The following SMCHD1 variants were observed in gnomAD, a reference collection of about 807,000 sequenced individuals.
The protein encoded by SMCHD1 is structural maintenance of chromosomes flexible hinge domain containing 1, also known as structural maintenance of chromosomes flexible hinge domain-containing protein 1.
In SMCHD1, 78 loss-of-function variants were observed where a neutral mutation model predicts 254.7. The ratio of observed to expected loss-of-function variants is 0.31; its 90% CI spans 0.26 to 0.37. The LOEUF is 0.37. SMCHD1 is among the 10% of genes least tolerant of loss of function. The pLI, the probability that SMCHD1 is intolerant of heterozygous loss-of-function variation, is 1.00. For missense variants in SMCHD1, 1,840 were observed against 2,408.1 expected (o/e 0.76, Z 4.94); for synonymous variants, 766 against 794.9 (o/e 0.96, Z 0.61).
intron 37 of SMCHD1, 75 bp from the exon 38 acceptor site, chr18:2,769,619 A>T: frequency 2.8e-6 from 4 of 1,452,874 alleles, no homozygotes; most frequent in Non-Finnish European, 3.7e-6. Flanking sequence ...CAGCATAATG[A>T]GTTATGTAAC....
At chr18:2,752,463 C>T in intron 33 of SMCHD1, 25 bp from the exon 34 acceptor site, 1 of 1,545,066 alleles carries the variant, frequency 6.5e-7, no homozygotes, top group Middle Eastern at 1.7e-4. Context: ...TCCCCTCTCC[C>T]CTTCTCTCCT....
chr18:2,658,853 T>TATATAC (rs1179301683), intron 1 of SMCHD1, among the ~76,000 whole-genome samples: 2 of 150,746 alleles, frequency 1.3e-5, no homozygotes, highest in African/African-American at 4.9e-5. Context: ...TGTATATGTA[T>TATATAC]ATATACATAT....
intron 37 of SMCHD1, among the ~76,000 whole-genome samples, chr18:2,766,064 C>T (rs1337406036): frequency 6.7e-6 from 1 of 149,874 alleles, no homozygotes; most frequent in South Asian, 2.1e-4. Context: ...CGCGATTGCC[C>T]CTCACTGCAA....
At chr18:2,763,493 A>T in intron 36 of SMCHD1, 144 bp from the exon 37 acceptor site, 1 of 625,406 alleles carries the variant, frequency 1.6e-6, no homozygotes, top group Non-Finnish European at 2.5e-6. Context: ...TCAAACTTAG[A>T]ACTGAATTTT....
rs945481250 is a variant in SMCHD1 at position 2,655,789 on chromosome 18, G to T, written c.-287G>T. The T allele has an allele frequency of 3.6e-6, 1 of 279,244 alleles. No individual in the cohort carries two copies. The highest frequency in any genetic ancestry group is 2.2e-5 in the African/African-American group (1 of 45,148). 17.3% of individuals were successfully genotyped at this position (279,244 alleles called of 1,614,324 possible). ...GAGGCTCGCGTGGGCGGCGATAGGCGCTGGGCCCGGGCCCGGTGAGGAGCG... is the reference window on the plus strand; with the variant it reads ...GAGGCTCGCGTGGGCGGCGATAGGCTCTGGGCCCGGGCCCGGTGAGGAGCG... On this transcript the variant is annotated 5_prime_UTR_variant, in exon 1 of 48. Transcript: ENST00000320876.
chr18:2,778,294 G>C, intron 44 of SMCHD1, 55 bp downstream of exon 44: 1 of 1,250,736 alleles, frequency 8.0e-7, no homozygotes, highest in Non-Finnish European at 1.1e-6. Context: ...TGTGTATCAT[G>C]TCCATTTGAT....
At chr18:2,762,299 G>T (rs1677461809) in intron 36 of SMCHD1, 63 bp downstream of exon 36, 4 of 1,532,928 alleles carry the variant, frequency 2.6e-6, no homozygotes, top group African/African-American at 1.4e-5. Context: ...TGATTTTAGG[G>T]TACAAAATTA....
intron 34 of SMCHD1, among the ~76,000 whole-genome samples, chr18:2,756,887 C>G (rs1220518009): frequency 6.6e-6 from 1 of 152,136 alleles, no homozygotes; most frequent in African/African-American, 2.4e-5. Flanking sequence ...TCTGTGATCT[C>G]TCATTCTTGA....
intron 5 of SMCHD1, among the ~76,000 whole-genome samples, chr18:2,674,358 T>G (rs2073691783): frequency 6.6e-6 from 1 of 152,212 alleles, no homozygotes; most frequent in Non-Finnish European, 1.5e-5. Context: ...CATTTTGCAT[T>G]TCCTGAGGTA....
chr18:2,726,540 G>A lies in SMCHD1; in HGVS notation c.2773+16G>A, dbSNP rs775311111. 8.7e-7 allele frequency: 1 copy of A among 1,154,376 alleles called. No individual in the cohort carries two copies. The highest frequency in any genetic ancestry group is 1.2e-6 in the Non-Finnish European group (1 of 823,910). The allele number at this position is 1,154,376 out of a possible 1,614,324, so 71.5% of individuals were successfully genotyped here. On this transcript the variant is annotated intron_variant, in intron 22 of 47. Coordinates refer to ENST00000320876, the MANE Select transcript of SMCHD1 (RefSeq NM_015295.3). Reference sequence around the variant, plus strand: ...TTACTACCTGGTAATATTATTTCAAGAAATATAATTATTTAAAATAATTTT... The same window carrying A: ...TTACTACCTGGTAATATTATTTCAAAAAATATAATTATTTAAAATAATTTT...
Position 2,769,823 on chromosome 18 carries a change from A to G in SMCHD1, c.4846+3A>G. On this transcript the variant is annotated splice_donor_region_variant and intron_variant, in intron 38 of 47. Transcript: ENST00000320876. ...CCTACCGTTCATGTTTTACAATGGTAAGTTTCTAGGAAATAAATGGTTAAA... is the reference window on the plus strand; with the variant it reads ...CCTACCGTTCATGTTTTACAATGGTGAGTTTCTAGGAAATAAATGGTTAAA... 6.3e-7 allele frequency: 1 copy of G among 1,597,496 alleles called. No homozygotes were observed. The highest frequency in any genetic ancestry group is 2.2e-5 in the East Asian group (1 of 44,632).
At chr18:2,753,748 G>T (rs960806746) in intron 34 of SMCHD1, among the ~76,000 whole-genome samples, 1 of 152,022 alleles carries the variant, frequency 6.6e-6, no homozygotes, top group Non-Finnish European at 1.5e-5. Flanking sequence ...TGGAGACTGG[G>T]TTTCACCAAG....
At chr18:2,757,354 A>T (rs2075701231) in intron 34 of SMCHD1, among the ~76,000 whole-genome samples, 1 of 151,794 alleles carries the variant, frequency 6.6e-6, no homozygotes, top group African/African-American at 2.4e-5. Context: ...AGGACTACAG[A>T]TGTGTGCCAC....
chr18:2,707,547 G>A lies in SMCHD1; in HGVS notation c.2064-16G>A. The A allele has an allele frequency of 3.9e-6, 6 of 1,531,150 alleles. No individual in the cohort carries two copies. The highest frequency in any genetic ancestry group is 2.8e-5 in the African/African-American group (2 of 72,286). 94.8% of individuals were successfully genotyped at this position (1,531,150 alleles called of 1,614,324 possible). Reference sequence around the variant, plus strand: ...AACAAAGTTTGTGGAACATTAATATGCTGGTTTCATAACAGGCTCCCTGAT... The same window carrying A: ...AACAAAGTTTGTGGAACATTAATATACTGGTTTCATAACAGGCTCCCTGAT... On this transcript the variant is annotated splice_polypyrimidine_tract_variant and intron_variant, in intron 15 of 47. Transcript: ENST00000320876.
At chr18:2,659,820 A>T (rs2073192470) in intron 1 of SMCHD1, among the ~76,000 whole-genome samples, 2 of 151,870 alleles carry the variant, frequency 1.3e-5, no homozygotes, top group African/African-American at 4.8e-5. Context: ...ATAGTAAGGT[A>T]ACGAAATATA....
chr18:2,785,788 T>C (rs2076230746), intron 45 of SMCHD1, among the ~76,000 whole-genome samples: 2 of 151,848 alleles, frequency 1.3e-5, no homozygotes, highest in Admixed American at 6.6e-5. Flanking sequence ...CTGACACCCA[T>C]TATACTTCTT....
intron 19 of SMCHD1, among the ~76,000 whole-genome samples, chr18:2,721,685 C>T (rs2074931311): frequency 6.6e-6 from 1 of 152,202 alleles, no homozygotes; most frequent in Non-Finnish European, 1.5e-5. Context: ...CAATTGACTG[C>T]ATGCTCATTC....
At chr18:2,751,492 T>C in intron 33 of SMCHD1, 99 bp downstream of exon 33, 1 of 659,166 alleles carries the variant, frequency 1.5e-6, no homozygotes, top group Non-Finnish European at 2.6e-6. Flanking sequence ...TATATAAATT[T>C]GAGAAATGGA....
At chr18:2,796,544 T>A (rs779152896) in intron 47 of SMCHD1, 23 bp downstream of exon 47, 1 of 1,456,264 alleles carries the variant, frequency 6.9e-7, no homozygotes, top group Admixed American at 2.0e-5. Flanking sequence ...GACCTGAGAA[T>A]TATGCTTGGT....
Sources: allele counts gnomAD v4.1 joint callset (sites outside exome capture counted in the v4.1 genomes callset), GRCh38; gene constraint gnomAD v4.1.1; transcripts MANE v1.5; gene names NCBI Gene and HGNC (gene_info 2026-07-23, HGNC 2026-07-21).